The following DOCK3 variants were observed in gnomAD, a reference collection of about 807,000 sequenced individuals.
DOCK3 encodes dedicator of cytokinesis protein 3.
In DOCK3, 60 loss-of-function variants were observed where a neutral mutation model predicts 265.6. The observed-to-expected ratio is 0.23, with a 90% CI of 0.18 to 0.28. DOCK3 has a LOEUF of 0.28. Ranked by LOEUF, DOCK3 falls within the 10% of genes least tolerant of loss-of-function variation. The probability of loss-of-function intolerance (pLI) is 1.00; values close to 1 mark genes in which losing one functional copy is unlikely to be tolerated. For missense variants in DOCK3, 1,981 were observed against 2,594.3 expected, an observed-to-expected ratio of 0.76 and a Z score of 5.14; for synonymous variants, 881 against 938.0, an observed-to-expected ratio of 0.94 and a Z score of 1.11.
chr3:50,844,404 A>C (rs2045984007), intron 3 of DOCK3, among the ~76,000 whole-genome samples: 1 of 151,936 alleles, frequency 6.6e-6, no homozygotes, highest in African/African-American at 2.4e-5. Flanking sequence ...CACTTTTTGT[A>C]GAGATGGGGT....
intron 5 of DOCK3, among the ~76,000 whole-genome samples, chr3:50,972,210 G>A (rs1325383677): frequency 6.6e-6 from 1 of 152,244 alleles, no homozygotes; most frequent in Non-Finnish European, 1.5e-5. Context: ...TTTTGTGCAA[G>A]GCTGGGCCTG....
chr3:51,296,853 C>G (rs1431517674), intron 27 of DOCK3, among the ~76,000 whole-genome samples: 1 of 151,972 alleles, frequency 6.6e-6, no homozygotes, highest in African/African-American at 2.4e-5. Flanking sequence ...TGCAGTGGCT[C>G]AACACCTGTA....
intron 32 of DOCK3, among the ~76,000 whole-genome samples, chr3:51,317,047 A>G (rs1018164632): frequency 2.0e-5 from 3 of 152,124 alleles, no homozygotes; most frequent in Admixed American, 6.5e-5. Context: ...TAGGGCCACA[A>G]AAATTTTTCT....
At chr3:51,210,165 T>C (rs938805581) in intron 13 of DOCK3, among the ~76,000 whole-genome samples, 2 of 152,170 alleles carry the variant, frequency 1.3e-5, no homozygotes, top group South Asian at 4.1e-4. Context: ...AGAGAGATGA[T>C]AGTACTAATT....
intron 12 of DOCK3, among the ~76,000 whole-genome samples, chr3:51,192,613 A>G (rs1293761521): frequency 6.6e-6 from 1 of 152,026 alleles, no homozygotes; most frequent in Non-Finnish European, 1.5e-5. Context: ...ACATCACAGG[A>G]GACCTCACGG....
intron 27 of DOCK3, among the ~76,000 whole-genome samples, chr3:51,295,733 AT>A (rs1044975990): frequency 1.4e-5 from 2 of 142,060 alleles, no homozygotes; most frequent in Admixed American, 1.5e-4. Flanking sequence ...TGCTCTAGCC[AT>A]TTTTATTTAT....
chr3:50,733,923 A>C (rs750969579), intron 1 of DOCK3, among the ~76,000 whole-genome samples: 1 of 152,074 alleles, frequency 6.6e-6, no homozygotes, highest in East Asian at 1.9e-4. Context: ...TCTTTAATAC[A>C]TGTTGTAGTT....
intron 4 of DOCK3, among the ~76,000 whole-genome samples, chr3:50,907,973 A>G (rs1241271473): frequency 6.6e-6 from 1 of 151,826 alleles, no homozygotes; most frequent in African/African-American, 2.4e-5. Flanking sequence ...CCAGTCATTT[A>G]TTCATTTCTT....
intron 3 of DOCK3, among the ~76,000 whole-genome samples, chr3:50,845,780 G>C (rs1317845220): frequency 6.6e-6 from 1 of 152,162 alleles, no homozygotes; most frequent in Admixed American, 6.6e-5. Flanking sequence ...AGAGGTTCAA[G>C]CGATTGAACC....
At chr3:50,847,690 C>G (rs767623686) in intron 3 of DOCK3, among the ~76,000 whole-genome samples, 1 of 151,876 alleles carries the variant, frequency 6.6e-6, no homozygotes, top group Non-Finnish European at 1.5e-5. Flanking sequence ...TCAAGACTAG[C>G]CTGGACAACA....
At chr3:51,259,439 C>G (rs1425789406) in intron 22 of DOCK3, among the ~76,000 whole-genome samples, 1 of 151,868 alleles carries the variant, frequency 6.6e-6, no homozygotes, top group East Asian at 1.9e-4. Flanking sequence ...TGAATTTGTT[C>G]TCTTAAAAGA....
intron 4 of DOCK3, among the ~76,000 whole-genome samples, chr3:50,930,818 C>G (rs538264891): frequency 6.6e-6 from 1 of 152,342 alleles, no homozygotes; most frequent in East Asian, 1.9e-4. Context: ...GAACCCAGTG[C>G]TGTCTGTGGG....
chr3:50,694,935 A>G (rs1417018365), intron 1 of DOCK3, among the ~76,000 whole-genome samples: 4 of 152,244 alleles, frequency 2.6e-5, no homozygotes, highest in Non-Finnish European at 4.4e-5. Context: ...AATACCTTAT[A>G]TAGGATAGCT....
At chr3:51,289,555 T>G (rs2081611756) in intron 27 of DOCK3, among the ~76,000 whole-genome samples, 1 of 151,608 alleles carries the variant, frequency 6.6e-6, no homozygotes. Flanking sequence ...AGTAAATAAG[T>G]CCTTGCCTAT....
At chr3:51,134,303 G>C (rs2084697891) in intron 9 of DOCK3, among the ~76,000 whole-genome samples, 2 of 152,152 alleles carry the variant, frequency 1.3e-5, no homozygotes, top group Admixed American at 6.5e-5. Flanking sequence ...CCCAGCAATG[G>C]ATTGCTGGGT....
chr3:51,136,938 GT>G (rs1217981219), intron 9 of DOCK3, among the ~76,000 whole-genome samples: 1 of 151,812 alleles, frequency 6.6e-6, no homozygotes, highest in Non-Finnish European at 1.5e-5. Flanking sequence ...GTAAGGTTCT[GT>G]TGAAAAGAAG....
chr3:51,340,073 C>G (rs880478), intron 37 of DOCK3, among the ~76,000 whole-genome samples: 12,405 of 152,202 alleles, frequency 0.082, 1,141 homozygotes, highest in East Asian at 0.34. Context: ...CATCCACTTG[C>G]ACCCATGATC....
intron 9 of DOCK3, among the ~76,000 whole-genome samples, chr3:51,130,788 A>G (rs1226718355): frequency 6.6e-6 from 1 of 152,030 alleles, no homozygotes; most frequent in Non-Finnish European, 1.5e-5. Context: ...GTTCACTGCA[A>G]CCTCTGTCTT....
At chr3:50,876,652 T>G (rs768691458) in intron 3 of DOCK3, 2 of 152,498 alleles carry the variant, frequency 1.3e-5, no homozygotes, top group African/African-American at 4.8e-5. Flanking sequence ...TGATCTAGTT[T>G]GCTTTTCCTT....
Sources: gnomAD v4.1 joint callset for allele counts (sites outside exome capture counted in the v4.1 genomes callset) on GRCh38, gnomAD v4.1.1 for gene constraint, MANE v1.5 for transcripts, NCBI Gene and HGNC (gene_info 2026-07-23, HGNC 2026-07-21) for gene names.